Variants in CFDP1 observed in about 807,000 individuals in gnomAD.
CFDP1 encodes chromatin remodeling protein CFDP1, also known as heterochromatin-stabilizing protein CFDP1.
Under a neutral mutation model 40.1 loss-of-function variants are expected in CFDP1, and 31 were observed. The observed-to-expected ratio is 0.77, with a 90% CI of 0.58 to 1.04. CFDP1 has a LOEUF of 1.04. Ranked by LOEUF, CFDP1 falls within the 50% of genes least tolerant of loss-of-function variation. CFDP1 has a pLI of 0.00. For synonymous variants in CFDP1, 167 were observed against 120.0 expected (o/e 1.39, Z -2.56); for missense variants, 423 against 343.4 (o/e 1.23, Z -1.83).
At chr16:75,405,068 T>C (rs1433045708) in intron 4 of CFDP1, among the ~76,000 whole-genome samples, 2 of 152,156 alleles carry the variant, frequency 1.3e-5, no homozygotes, top group South Asian at 2.1e-4. Flanking sequence ...TAGAAACTTG[T>C]TCAGCAATTT....
At chr16:75,345,133 C>T (rs2078553326) in intron 5 of CFDP1, among the ~76,000 whole-genome samples, 2 of 151,818 alleles carry the variant, frequency 1.3e-5, no homozygotes, top group Admixed American at 1.3e-4. Flanking sequence ...TGAGACCAGC[C>T]TGGGCAACAA....
chr16:75,341,393 A>G lies in CFDP1; in HGVS notation c.651-36211T>C, dbSNP rs557258592. Among the ~76,000 whole-genome samples, 235 of 152,290 alleles carry G rather than the reference A, an allele frequency of 1.5e-3. 1 individual carries two copies. The highest frequency in any genetic ancestry group is 2.5e-3 in the Non-Finnish European group (170 of 68,016). ...TGGCAACCTAACTGGCTTTGCTATAATGTTCAGAAAGGTTTTCTTTTGTTT... is the reference window on the plus strand; with the variant it reads ...TGGCAACCTAACTGGCTTTGCTATAGTGTTCAGAAAGGTTTTCTTTTGTTT... On this transcript the variant is annotated intron_variant, in intron 5 of 6. Coordinates refer to ENST00000283882, the MANE Select transcript of CFDP1 (RefSeq NM_006324.3).
chr16:75,418,306 CTT>C (rs60458195), intron 1 of CFDP1, among the ~76,000 whole-genome samples: 2,435 of 107,018 alleles, frequency 0.023, 29 homozygotes, highest in African/African-American at 0.056. Context: ...AACTCTAACC[CTT>C]TTTTTTTTTT....
chr16:75,303,400 A>AATAAATGAATGAATGTATGTATGT, intron 6 of CFDP1, among the ~76,000 whole-genome samples: 1 of 146,246 alleles, frequency 6.8e-6, no homozygotes. Flanking sequence ...TAAATAAATA[A>AATAAATGAATGAATGTATGTATGT]ATGTATGTAT....
chr16:75,422,802 T>G (rs1455816023), intron 1 of CFDP1, among the ~76,000 whole-genome samples: 1 of 152,014 alleles, frequency 6.6e-6, no homozygotes, highest in East Asian at 1.9e-4. Context: ...GCTGTGATCT[T>G]GCCACTGCAC....
intron 5 of CFDP1, among the ~76,000 whole-genome samples, chr16:75,310,947 G>A (rs909666635): frequency 6.6e-6 from 1 of 152,160 alleles, no homozygotes; most frequent in Non-Finnish European, 1.5e-5. Context: ...AGATTACTGA[G>A]AACTTACTCT....
chr16:75,402,559 T>C (rs2079064582), intron 4 of CFDP1, among the ~76,000 whole-genome samples: 1 of 152,214 alleles, frequency 6.6e-6, no homozygotes, highest in Non-Finnish European at 1.5e-5. Context: ...AACTGAAGAC[T>C]AACTTTGTGC....
intron 6 of CFDP1, among the ~76,000 whole-genome samples, chr16:75,303,526 C>G (rs930942826): frequency 1.6e-5 from 2 of 126,904 alleles, no homozygotes; most frequent in Non-Finnish European, 3.3e-5. Flanking sequence ...AATCCTTTGT[C>G]TATCATTAAT....
intron 5 of CFDP1, among the ~76,000 whole-genome samples, chr16:75,349,542 A>T (rs35145341): frequency 6.8e-6 from 1 of 147,194 alleles, no homozygotes; most frequent in Non-Finnish European, 1.5e-5. Context: ...AGTTCCTAGC[A>T]CTTTGGGAGG....
chr16:75,405,194 C>T (rs533002325), intron 4 of CFDP1, among the ~76,000 whole-genome samples: 13 of 152,082 alleles, frequency 8.5e-5, no homozygotes, highest in East Asian at 1.9e-4. Flanking sequence ...ATCAGTCACA[C>T]GCAGTAGGAC....
chr16:75,362,057 G>A (rs2078683225), intron 5 of CFDP1, among the ~76,000 whole-genome samples: 1 of 152,130 alleles, frequency 6.6e-6, no homozygotes, highest in Non-Finnish European at 1.5e-5. Flanking sequence ...TTATTCATTC[G>A]GAGATGCTTT....
At position 75,392,324 on chromosome 16, in the gene CFDP1, G is replaced by C. The variant is rs190143572; in HGVS notation, c.650+2766C>G. On this transcript the variant is annotated intron_variant, in intron 5 of 6. Coordinates refer to ENST00000283882, the MANE Select transcript of CFDP1 (RefSeq NM_006324.3). ...GGAGGCTGACGCAGGAGAATGGCTT[G>C]AACCCAGGAGGCAAAGGTTGCAGTG... 5.4e-3 allele frequency among the ~76,000 whole-genome samples: 818 copies of C among 151,774 alleles called. 6 individuals are homozygous for C. Among genetic ancestry groups the C allele is most frequent in the Non-Finnish European group, 9.2e-3 (622 of 67,848 alleles).
chr16:75,372,045 T>C, intron 5 of CFDP1, among the ~76,000 whole-genome samples: 1 of 152,194 alleles, frequency 6.6e-6, no homozygotes, highest in East Asian at 1.9e-4. Context: ...ATCCCTATTT[T>C]ACAGCTAAAA....
rs906628040 is a variant in CFDP1 at position 75,433,409 on chromosome 16, G to A, written c.-57C>T. ...AAGACCGCAGCAGCCGCCTCCAACGGCAAAGCTCTAGGGAGAGACCATAGA... is the reference window on the plus strand; with the variant it reads ...AAGACCGCAGCAGCCGCCTCCAACGACAAAGCTCTAGGGAGAGACCATAGA... On this transcript the variant is annotated 5_prime_UTR_variant, in exon 1 of 7. Coordinates refer to ENST00000283882, the MANE Select transcript of CFDP1 (RefSeq NM_006324.3). 7 of 1,521,156 alleles carry A rather than the reference G, an allele frequency of 4.6e-6. No homozygotes were observed. The highest frequency in any genetic ancestry group is 6.2e-6 in the Non-Finnish European group (7 of 1,122,538). The allele number at this position is 1,521,156 out of a possible 1,614,324, so 94.2% of individuals were successfully genotyped here.
At position 75,414,588 on chromosome 16, in the gene CFDP1, T is replaced by A. The variant is rs747397164; in HGVS notation, c.172A>T (p.Ile58Phe). 6.2e-7 allele frequency: 1 copy of A among 1,611,086 alleles called. No individual in the cohort carries two copies. The highest frequency in any genetic ancestry group is 8.5e-7 in the Non-Finnish European group (1 of 1,177,354). ...TGAAGGCAGCATCACCTGGCTGGAA[T>A]GCTCTGGGCCTTTCTTTTTTTCCCT... ...TQGKKRKAQS[I>F]PARKRRQGGL... Residue 58 changes from isoleucine to phenylalanine, a missense_variant, in exon 2 of 7, where the codon ATT becomes TTT. Ile to Phe is a conservative substitution (Grantham distance 21). Transcript: ENST00000283882.
chr16:75,358,880 T>C (rs1254006215), intron 5 of CFDP1, among the ~76,000 whole-genome samples: 1 of 152,224 alleles, frequency 6.6e-6, no homozygotes. Context: ...ATGTGACTTG[T>C]TGAGAATGTC....
At chr16:75,297,112 T>C (rs1292318464) in intron 6 of CFDP1, among the ~76,000 whole-genome samples, 1 of 150,368 alleles carries the variant, frequency 6.7e-6, no homozygotes, top group Non-Finnish European at 1.5e-5. Flanking sequence ...GCTATGGGAG[T>C]TGTCATGGGC....
intron 5 of CFDP1, among the ~76,000 whole-genome samples, chr16:75,306,094 T>C (rs1298612602): frequency 6.6e-6 from 1 of 152,234 alleles, no homozygotes; most frequent in Non-Finnish European, 1.5e-5. Context: ...TCTACCAGCA[T>C]GTAGGAACTT....
intron 5 of CFDP1, among the ~76,000 whole-genome samples, chr16:75,387,481 C>T (rs757715714): frequency 1.8e-4 from 27 of 152,186 alleles, no homozygotes; most frequent in Non-Finnish European, 3.4e-4. Flanking sequence ...CATTCTGGAG[C>T]TGATAAGTAA....
Sources: gnomAD v4.1 joint callset for allele counts (sites outside exome capture counted in the v4.1 genomes callset) on GRCh38, gnomAD v4.1.1 for gene constraint, MANE v1.5 for transcripts, NCBI Gene and HGNC (gene_info 2026-07-23, HGNC 2026-07-21) for gene names.